The following CUEDC1 variants were observed in gnomAD, a reference collection of about 807,000 sequenced individuals.
CUEDC1 encodes the protein CUE domain containing 1, also known as CUE domain-containing protein 1.
A neutral mutation model predicts 43.7 loss-of-function variants in CUEDC1; 30 were observed. That is an observed-to-expected ratio of 0.69 (90% CI 0.51 to 0.93). The LOEUF is 0.93. CUEDC1 is among the 40% of genes least tolerant of loss of function. The pLI is 0.00. For missense variants in CUEDC1, 486 were observed against 549.0 expected (o/e 0.89, Z 1.15); for synonymous variants, 223 against 223.6 (o/e 1.00, Z 0.02).
At chr17:57,919,824 C>T (rs914019145) in intron 1 of CUEDC1, among the ~76,000 whole-genome samples, 22 of 152,084 alleles carry the variant, frequency 1.4e-4, no homozygotes, top group African/African-American at 4.6e-4. Context: ...ATCCTGATGA[C>T]GAGGAGGACA....
At chr17:57,937,886 G>A (rs549282984) in intron 1 of CUEDC1, among the ~76,000 whole-genome samples, 53 of 152,250 alleles carry the variant, frequency 3.5e-4, no homozygotes, top group African/African-American at 1.2e-3. Flanking sequence ...CAGCTGGGAC[G>A]ACAGAGAGAG....
intron 1 of CUEDC1, among the ~76,000 whole-genome samples, chr17:57,943,049 T>C (rs1252614280): frequency 6.6e-6 from 1 of 152,060 alleles, no homozygotes; most frequent in African/African-American, 2.4e-5. Context: ...AAAACAAAAA[T>C]GATCACTGCT....
At chr17:57,863,801 G>T (rs889795271) in intron 10 of CUEDC1, among the ~76,000 whole-genome samples, 2 of 152,002 alleles carry the variant, frequency 1.3e-5, no homozygotes, top group Non-Finnish European at 2.9e-5. Context: ...AGGGGTTTAA[G>T]ACCAGCCTAA....
intron 1 of CUEDC1, among the ~76,000 whole-genome samples, chr17:57,921,037 C>T (rs1011947707): frequency 1.3e-5 from 2 of 152,240 alleles, no homozygotes; most frequent in African/African-American, 4.8e-5. Flanking sequence ...ATTAGTTGTA[C>T]TTTATGAGCT....
chr17:57,927,275 G>A (rs560124964), intron 1 of CUEDC1, among the ~76,000 whole-genome samples: 5 of 152,064 alleles, frequency 3.3e-5, no homozygotes, highest in South Asian at 2.1e-4. Context: ...CAGGGTGCCT[G>A]AGAGGCACTT....
chr17:57,882,407 T>C (rs1029829462), intron 2 of CUEDC1, among the ~76,000 whole-genome samples: 15 of 152,058 alleles, frequency 9.9e-5, no homozygotes, highest in Admixed American at 2.0e-4. Flanking sequence ...AGCAAGGGCC[T>C]ACCTAGGGGG....
At chr17:57,931,121 T>G (rs1422228256) in intron 1 of CUEDC1, among the ~76,000 whole-genome samples, 1 of 151,992 alleles carries the variant, frequency 6.6e-6, no homozygotes, top group Non-Finnish European at 1.5e-5. Context: ...AAACAGGGTC[T>G]CTACAAAAAA....
At chr17:57,923,641 G>A (rs1249125289) in intron 1 of CUEDC1, among the ~76,000 whole-genome samples, 2 of 152,194 alleles carry the variant, frequency 1.3e-5, no homozygotes, top group Non-Finnish European at 2.9e-5. Flanking sequence ...CAGCCAACCA[G>A]GAAAGCTTCC....
intron 3 of CUEDC1, among the ~76,000 whole-genome samples, chr17:57,878,753 G>A (rs1027679663): frequency 6.6e-6 from 1 of 151,970 alleles, no homozygotes; most frequent in Non-Finnish European, 1.5e-5. Flanking sequence ...TGCAACCTCC[G>A]CCTCCGGGGT....
rs1247843935 is a variant in CUEDC1 at position 57,862,874 on chromosome 17, G to A, written c.*415C>T. The A allele has an allele frequency of 6.6e-6, 1 of 152,288 alleles. No individual in the cohort carries two copies. The highest frequency in any genetic ancestry group is 1.9e-4 in the East Asian group (1 of 5,198). 9.4% of individuals were successfully genotyped at this position (152,288 alleles called of 1,614,324 possible). ...TGACAGGAGAGATAGAGAACGGACG[G>A]AGGCAGAGACTCCACCTTCAGGCCA... On this transcript the variant is annotated 3_prime_UTR_variant, in exon 11 of 11. Transcript: ENST00000577830.
intron 1 of CUEDC1, among the ~76,000 whole-genome samples, chr17:57,918,421 G>A (rs2074665434): frequency 6.6e-6 from 1 of 152,164 alleles, no homozygotes; most frequent in South Asian, 2.1e-4. Context: ...TCCCGCCCTG[G>A]GTTATAAAAG....
chr17:57,887,881 T>C (rs1455746476), intron 1 of CUEDC1, among the ~76,000 whole-genome samples: 1 of 150,268 alleles, frequency 6.7e-6, no homozygotes, highest in African/African-American at 2.4e-5. Flanking sequence ...GATTTTTTCT[T>C]TTCTTTTTCT....
At chr17:57,895,749 G>A (rs2074401793) in intron 1 of CUEDC1, among the ~76,000 whole-genome samples, 1 of 152,170 alleles carries the variant, frequency 6.6e-6, no homozygotes, top group African/African-American at 2.4e-5. Context: ...CACTGGGCTG[G>A]CAGGAACACG....
At chr17:57,947,837 T>G (rs2143237156) in intron 1 of CUEDC1, among the ~76,000 whole-genome samples, 1 of 152,226 alleles carries the variant, frequency 6.6e-6, no homozygotes, top group Admixed American at 6.5e-5. Context: ...AAAAACACTT[T>G]TGTGCTTGGA....
intron 10 of CUEDC1, among the ~76,000 whole-genome samples, chr17:57,863,672 G>C (rs1007848752): frequency 2.6e-5 from 4 of 152,168 alleles, no homozygotes; most frequent in Admixed American, 2.0e-4. Flanking sequence ...GAACTTGGTA[G>C]GACTCAGACA....
intron 1 of CUEDC1, among the ~76,000 whole-genome samples, chr17:57,904,098 G>A (rs1471615103): frequency 1.3e-5 from 2 of 152,088 alleles, no homozygotes; most frequent in Non-Finnish European, 2.9e-5. Flanking sequence ...GGAGCCCTGC[G>A]TCTGGGAGAG....
intron 1 of CUEDC1, among the ~76,000 whole-genome samples, chr17:57,918,512 A>C (rs2074666723): frequency 6.6e-6 from 1 of 152,262 alleles, no homozygotes; most frequent in African/African-American, 2.4e-5. Flanking sequence ...GATGTTGAGA[A>C]GGGGGCCTTA....
At chr17:57,891,740 C>T (rs930874992) in intron 1 of CUEDC1, among the ~76,000 whole-genome samples, 11 of 152,324 alleles carry the variant, frequency 7.2e-5, no homozygotes, top group Middle Eastern at 6.8e-3. Flanking sequence ...CCAACTGCTA[C>T]GTTCTGCTCC....
chr17:57,867,138 G>C lies in CUEDC1; in HGVS notation c.1093+219C>G, dbSNP rs1187237384. On this transcript the variant is annotated intron_variant, in intron 9 of 10. Coordinates refer to ENST00000577830, the MANE Select transcript of CUEDC1 (RefSeq NM_001271875.2). ...ACTTCATGCTACAGGTACACATCTAGGTGGAAGTAGGGCTAGGGCCCCTTT... is the reference window on the plus strand; with the variant it reads ...ACTTCATGCTACAGGTACACATCTACGTGGAAGTAGGGCTAGGGCCCCTTT... 8.3e-6 allele frequency: 5 copies of C among 602,324 alleles called. No homozygotes were observed. The Admixed American group carries it at 1.4e-4, about 17-fold the overall frequency. 37.3% of individuals were successfully genotyped at this position (602,324 alleles called of 1,614,324 possible).
Sources: allele counts gnomAD v4.1 joint callset (sites outside exome capture counted in the v4.1 genomes callset), GRCh38; gene constraint gnomAD v4.1.1; transcripts MANE v1.5; gene names NCBI Gene and HGNC (gene_info 2026-07-23, HGNC 2026-07-21).